The following STK4 variants were observed in gnomAD, a reference collection of about 807,000 sequenced individuals.
STK4 encodes the protein serine/threonine kinase 4.
STK4 carries 30 observed loss-of-function variants against 64.9 expected under a neutral mutation model. The ratio of observed to expected loss-of-function variants is 0.46; its 90% CI spans 0.35 to 0.63. The LOEUF is 0.63. STK4 is among the 20% of genes least tolerant of loss of function. The pLI, the probability that STK4 is intolerant of heterozygous loss-of-function variation, is 0.01. For synonymous variants in STK4, 177 were observed against 199.0 expected, an observed-to-expected ratio of 0.89 and a Z score of 0.93; for missense variants, 466 against 598.5, an observed-to-expected ratio of 0.78 and a Z score of 2.31.
At position 44,997,102 on chromosome 20, in the gene STK4, G is replaced by C. The variant is rs1296655556; in HGVS notation, c.694-67G>C. The C allele has an allele frequency of 3.1e-6, 5 of 1,596,276 alleles. No individual in the cohort carries two copies. The South Asian group carries it at 5.6e-5, about 18-fold the overall frequency. Reference sequence around the variant, plus strand: ...CCAAGCTTCAAATGTAATTCCACATGTATTTTTTATTGGAGCATTACTTTT... The same window carrying C: ...CCAAGCTTCAAATGTAATTCCACATCTATTTTTTATTGGAGCATTACTTTT... On this transcript the variant is annotated intron_variant, in intron 6 of 10. Coordinates refer to ENST00000372806, the MANE Select transcript of STK4 (RefSeq NM_006282.5).
chr20:44,981,660 C>A (rs889113692), intron 3 of STK4, among the ~76,000 whole-genome samples, 169 bp from the exon 4 acceptor site: 1 of 152,148 alleles, frequency 6.6e-6, no homozygotes, highest in Non-Finnish European at 1.5e-5. Context: ...TATTACCCTC[C>A]AGAAAAGCTA....
At chr20:44,975,460 C>A in intron 2 of STK4, 1 of 717,284 alleles carries the variant, frequency 1.4e-6, no homozygotes, top group Non-Finnish European at 1.7e-6. Context: ...ATGAAGAGAA[C>A]TTTCTAATAT....
intron 3 of STK4, among the ~76,000 whole-genome samples, chr20:44,979,783 T>G (rs1393242727): frequency 1.3e-5 from 2 of 152,002 alleles, no homozygotes; most frequent in Non-Finnish European, 2.9e-5. Flanking sequence ...TTTTTTTCCC[T>G]TCTATTTTTG....
intron 8 of STK4, 155 bp downstream of exon 8, chr20:45,000,675 G>A: frequency 9.2e-7 from 1 of 1,092,888 alleles, no homozygotes; most frequent in Non-Finnish European, 1.3e-6. Context: ...GCATGCTAGA[G>A]GGTTGTTGTA....
At chr20:44,998,667 A>G (rs2067778771) in intron 7 of STK4, among the ~76,000 whole-genome samples, 1 of 152,246 alleles carries the variant, frequency 6.6e-6, no homozygotes, top group Non-Finnish European at 1.5e-5. Flanking sequence ...ATAATGAAAT[A>G]ATATGGCTTT....
At chr20:45,061,173 A>G (rs915265184) in intron 10 of STK4, among the ~76,000 whole-genome samples, 2 of 152,226 alleles carry the variant, frequency 1.3e-5, no homozygotes, top group African/African-American at 4.8e-5. Context: ...TGTGAATTCC[A>G]TAGCAAGTCG....
At chr20:44,972,290 C>A in intron 2 of STK4, 132 bp downstream of exon 2, 1 of 746,008 alleles carries the variant, frequency 1.3e-6, no homozygotes. Context: ...TTGTGATGTC[C>A]TTCTTCGCTT....
intron 9 of STK4, among the ~76,000 whole-genome samples, chr20:45,017,773 G>GTT (rs904262808): frequency 6.6e-6 from 1 of 152,150 alleles, no homozygotes; most frequent in African/African-American, 2.4e-5. Flanking sequence ...TATTGCTCTA[G>GTT]TTAGTAATCC....
At chr20:45,065,804 A>AT (rs919131718) in intron 10 of STK4, among the ~76,000 whole-genome samples, 14 of 149,388 alleles carry the variant, frequency 9.4e-5, no homozygotes, top group Admixed American at 2.0e-4. Context: ...TTATTTATTT[A>AT]TTTTTTTTCA....
chr20:45,031,630 G>C (rs1028416838), intron 10 of STK4, among the ~76,000 whole-genome samples: 2 of 152,040 alleles, frequency 1.3e-5, no homozygotes, highest in Non-Finnish European at 2.9e-5. Context: ...GGCCAAGCAT[G>C]GTGGCTCATG....
At chr20:45,012,911 G>GT (rs2068077849) in intron 9 of STK4, among the ~76,000 whole-genome samples, 2 of 140,388 alleles carry the variant, frequency 1.4e-5, no homozygotes, top group African/African-American at 5.3e-5. Flanking sequence ...AGCCACCTGA[G>GT]TAGCTGGGAC....
rs565892463 is a variant in STK4, at chr20:45,060,032, A to T, written c.1306-14986A>T. ...GGATCTATTTCTTTATTAAATATTT[A>T]TTAAGAATTATTTTTTGCTGGCCTG... On this transcript the variant is annotated intron_variant, in intron 10 of 10. Coordinates refer to ENST00000372806, the MANE Select transcript of STK4 (RefSeq NM_006282.5). Among the ~76,000 whole-genome samples the T allele has an allele frequency of 1.1e-4, 17 of 152,324 alleles. No homozygotes were observed. In the South Asian group the frequency reaches 3.3e-3, roughly 30 times the overall value.
chr20:45,035,973 A>G (rs953331747), intron 10 of STK4, among the ~76,000 whole-genome samples: 1 of 146,694 alleles, frequency 6.8e-6, no homozygotes, highest in South Asian at 2.3e-4. Context: ...TGTTATTGCC[A>G]TTTTAGGGGT....
intron 10 of STK4, among the ~76,000 whole-genome samples, chr20:45,062,405 T>G (rs1270391579): frequency 6.6e-6 from 1 of 152,246 alleles, no homozygotes; most frequent in African/African-American, 2.4e-5. Context: ...TTATTGTGCA[T>G]GTGTCTTCAT....
intron 9 of STK4, among the ~76,000 whole-genome samples, chr20:45,017,075 A>G (rs1454321446): frequency 6.6e-6 from 1 of 152,232 alleles, no homozygotes; most frequent in Non-Finnish European, 1.5e-5. Context: ...TGGAATCAGT[A>G]TTTGTTTATA....
At chr20:45,064,312 GT>G (rs1317005098) in intron 10 of STK4, among the ~76,000 whole-genome samples, 1 of 151,548 alleles carries the variant, frequency 6.6e-6, no homozygotes, top group African/African-American at 2.4e-5. Flanking sequence ...TGCCATGCTG[GT>G]TTGGTTACTG....
chr20:45,013,618 A>G (rs1345691140), intron 9 of STK4, among the ~76,000 whole-genome samples: 2 of 152,174 alleles, frequency 1.3e-5, no homozygotes, highest in African/African-American at 2.4e-5. Flanking sequence ...GGTCTGTTAT[A>G]TCAATTCTTT....
At chr20:45,064,322 T>G (rs942916689) in intron 10 of STK4, among the ~76,000 whole-genome samples, 2 of 152,216 alleles carry the variant, frequency 1.3e-5, no homozygotes, top group African/African-American at 4.8e-5. Context: ...GTTTGGTTAC[T>G]GTAGCCTTGT....
At chr20:44,968,810 A>T (rs893730186) in intron 1 of STK4, among the ~76,000 whole-genome samples, 7 of 152,232 alleles carry the variant, frequency 4.6e-5, no homozygotes, top group African/African-American at 1.7e-4. Context: ...TTCCCAGCTC[A>T]TTGTAACTAG....
Sources: allele counts gnomAD v4.1 joint callset (sites outside exome capture counted in the v4.1 genomes callset), GRCh38; gene constraint gnomAD v4.1.1; transcripts MANE v1.5; gene names NCBI Gene and HGNC (gene_info 2026-07-23, HGNC 2026-07-21).